Variants in HCN1 observed in about 807,000 individuals in gnomAD.
HCN1 encodes the protein potassium/sodium hyperpolarization-activated cyclic nucleotide-gated channel 1.
Under a neutral mutation model 78.9 loss-of-function variants are expected in HCN1, and 13 were observed. That is an observed-to-expected ratio of 0.16 (90% CI 0.11 to 0.26). The LOEUF is 0.26. Among genes scored for constraint, HCN1 ranks in the 10% least tolerant of loss-of-function variants. The pLI, the probability that HCN1 is intolerant of heterozygous loss-of-function variation, is 1.00. For synonymous variants in HCN1, 552 were observed against 455.5 expected (o/e 1.21, Z -2.70); for missense variants, 810 against 1,154.3 (o/e 0.70, Z 4.32).
intron 3 of HCN1, among the ~76,000 whole-genome samples, chr5:45,418,335 A>T (rs1740159219): frequency 6.6e-6 from 1 of 151,158 alleles, no homozygotes; most frequent in Admixed American, 6.6e-5. Context: ...TCTACATTAT[A>T]CATGCTTCTA....
At chr5:45,624,362 A>G (rs1350640063) in intron 2 of HCN1, among the ~76,000 whole-genome samples, 9 of 152,198 alleles carry the variant, frequency 5.9e-5, no homozygotes, top group Admixed American at 5.9e-4. Flanking sequence ...CAGACTCCAG[A>G]TTTATTTTGA....
At position 45,260,974 on chromosome 5, in the gene HCN1, T is replaced by G. The variant is rs539315058; in HGVS notation, c.*947A>C. ...GAAAGAAAAGTAACGATTTTTGGTG[T>G]AATACAAGCAATTTGTAGATTCGAG... On this transcript the variant is annotated 3_prime_UTR_variant, in exon 8 of 8. Transcript: ENST00000303230. 1.3e-5 allele frequency: 2 copies of G among 152,718 alleles called. No homozygotes were observed. The highest frequency in any genetic ancestry group is 1.3e-4 in the Admixed American group (2 of 15,290). 9.5% of individuals were successfully genotyped at this position (152,718 alleles called of 1,614,324 possible). A position where few individuals can be genotyped will look rare whatever the true frequency, so the allele number is the denominator to read the frequency against.
At position 45,262,099 on chromosome 5, in the gene HCN1, C is replaced by G. The variant is rs199887416; in HGVS notation, c.2495G>C (p.Arg832Thr). The G allele has an allele frequency of 1.2e-6, 2 of 1,612,858 alleles. No homozygotes were observed. Among genetic ancestry groups the G allele is most frequent in the Admixed American group, 1.7e-5 (1 of 60,004 alleles). Residue 832 changes from arginine to threonine, a missense_variant, in exon 8 of 8, where the codon AGG (arginine) becomes ACG (threonine). This residue lies in a region of HCN1 where 398 missense variants were observed against 381.3 expected (regional missense o/e 1.04). Coordinates refer to ENST00000303230, the MANE Select transcript of HCN1 (RefSeq NM_021072.4). The part of the protein sequence containing the change: ...VPGTGLQAGG[R>T]STVPQRVTLF... The stretch of plus-strand genomic sequence containing the variant: ...GGTGACGCGCTGCGGGACAGTGCTC[C>G]TGCCCCCTGCCTGAAGGCCCGTTCC...
chr5:45,514,507 T>A (rs570067784), intron 2 of HCN1, among the ~76,000 whole-genome samples: 137 of 152,252 alleles, frequency 9.0e-4, no homozygotes, highest in Middle Eastern at 3.4e-3. Flanking sequence ...CTTGCCGAGT[T>A]CAAAACCTGG....
At position 45,279,837 on chromosome 5, in the gene HCN1, A is replaced by G. The variant is rs62367521; in HGVS notation, c.1619-12584T>C. 9.0e-3 allele frequency among the ~76,000 whole-genome samples: 1,374 copies of G among 152,290 alleles called. 10 individuals carry two copies. The highest frequency in any genetic ancestry group is 0.017 in the Middle Eastern group (5 of 294). On this transcript the variant is annotated intron_variant, in intron 6 of 7. Transcript: ENST00000303230. ...TATCACCATAACACCCCCAAAATTA[A>G]TAGTAATTTCTTAAAATTATCAAAT...
chr5:45,683,411 A>G (rs1350510153), intron 1 of HCN1, among the ~76,000 whole-genome samples: 1 of 152,128 alleles, frequency 6.6e-6, no homozygotes, highest in African/African-American at 2.4e-5. Context: ...TCCATAATTT[A>G]TCTGTTGGTT....
intron 5 of HCN1, among the ~76,000 whole-genome samples, chr5:45,312,500 C>A (rs528182706): frequency 2.0e-5 from 3 of 152,232 alleles, no homozygotes; most frequent in Non-Finnish European, 2.9e-5. Context: ...ATCTCACTAG[C>A]ACTTGTCAGA....
At chr5:45,546,159 A>C (rs898963002) in intron 2 of HCN1, among the ~76,000 whole-genome samples, 1 of 151,984 alleles carries the variant, frequency 6.6e-6, no homozygotes, top group Non-Finnish European at 1.5e-5. Flanking sequence ...CAAGTCTACA[A>C]ATAAATGCAT....
intron 5 of HCN1, among the ~76,000 whole-genome samples, chr5:45,342,378 T>C (rs1746601694): frequency 1.3e-5 from 2 of 150,684 alleles, no homozygotes; most frequent in African/African-American, 4.9e-5. Context: ...TACAGGTGCA[T>C]GCCACTACAC....
chr5:45,482,602 A>G (rs889684579), intron 2 of HCN1, among the ~76,000 whole-genome samples: 2 of 152,132 alleles, frequency 1.3e-5, no homozygotes, highest in Non-Finnish European at 2.9e-5. Context: ...TGAAAGCTGT[A>G]TTGTTTTTTT....
intron 2 of HCN1, among the ~76,000 whole-genome samples, chr5:45,620,730 AAAATCATT>A (rs962824731): frequency 6.6e-6 from 1 of 152,108 alleles, no homozygotes; most frequent in African/African-American, 2.4e-5. Context: ...CAAGTGAGAG[AAAATCATT>A]AGTTCATTCA....
chr5:45,288,266 C>A (rs573442258), intron 6 of HCN1, among the ~76,000 whole-genome samples: 3 of 152,062 alleles, frequency 2.0e-5, no homozygotes, highest in Non-Finnish European at 2.9e-5. Context: ...ACCTCCATTT[C>A]TTTTTAAATT....
chr5:45,380,313 C>A (rs148703745), intron 4 of HCN1, among the ~76,000 whole-genome samples: 27 of 152,220 alleles, frequency 1.8e-4, no homozygotes, highest in Non-Finnish European at 3.4e-4. Context: ...GAGCTCATGA[C>A]TTAATCACTT....
Position 45,645,165 on chromosome 5 carries a change from A to T in HCN1, c.849+20T>A. The T allele has an allele frequency of 6.4e-7, 1 of 1,570,374 alleles. No individual in the cohort carries two copies. The highest frequency in any genetic ancestry group is 1.1e-5 in the South Asian group (1 of 89,526). On this transcript the variant is annotated intron_variant, in intron 2 of 7. Transcript: ENST00000303230. Reference sequence around the variant, plus strand: ...ACAATTTCATGATATAGATTTAAAAAAGAAAAAGATGCATCTTACCTCTTC... The same window carrying T: ...ACAATTTCATGATATAGATTTAAAATAGAAAAAGATGCATCTTACCTCTTC...
chr5:45,421,584 C>A (rs929521887), intron 3 of HCN1, among the ~76,000 whole-genome samples: 3 of 151,940 alleles, frequency 2.0e-5, no homozygotes, highest in African/African-American at 7.3e-5. Flanking sequence ...GAAACAGAAA[C>A]CAACAGTATA....
intron 2 of HCN1, among the ~76,000 whole-genome samples, chr5:45,518,375 T>C (rs1742551200): frequency 6.6e-6 from 1 of 152,000 alleles, no homozygotes; most frequent in Admixed American, 6.6e-5. Context: ...TTGTTCAAGA[T>C]GTCAGCTCCT....
At chr5:45,270,570 C>T (rs1020151069) in intron 6 of HCN1, among the ~76,000 whole-genome samples, 1 of 152,162 alleles carries the variant, frequency 6.6e-6, no homozygotes, top group African/African-American at 2.4e-5. Flanking sequence ...CTCCTGGTTG[C>T]TCCCAAATAC....
intron 6 of HCN1, among the ~76,000 whole-genome samples, chr5:45,298,867 T>A (rs1745550560): frequency 6.6e-6 from 1 of 151,958 alleles, no homozygotes; most frequent in African/African-American, 2.4e-5. Context: ...TAACTCAAGT[T>A]AGATGATTAA....
At chr5:45,310,389 A>T (rs1456535566) in intron 5 of HCN1, among the ~76,000 whole-genome samples, 1 of 152,204 alleles carries the variant, frequency 6.6e-6, no homozygotes, top group Non-Finnish European at 1.5e-5. Flanking sequence ...GAAGACATAC[A>T]TGTGGCCAAC....
Sources: allele counts gnomAD v4.1 joint callset (sites outside exome capture counted in the v4.1 genomes callset), GRCh38; gene constraint gnomAD v4.1.1; regional missense constraint gnomAD v4.1.1; transcripts MANE v1.5; gene names NCBI Gene and HGNC (gene_info 2026-07-23, HGNC 2026-07-21).